FBXO15: variants seen among roughly 807,000 people sequenced by gnomAD.
FBXO15 encodes the protein F-box protein 15.
A neutral mutation model predicts 49.5 loss-of-function variants in FBXO15; 30 were observed. That is an observed-to-expected ratio of 0.61 (90% confidence interval 0.45 to 0.82). The LOEUF (loss-of-function observed/expected upper bound fraction) is 0.82. Among genes scored for constraint, FBXO15 ranks in the 40% least tolerant of loss-of-function variants. The pLI is 0.00. For missense variants in FBXO15, 591 were observed against 631.5 expected (o/e 0.94, Z 0.69); for synonymous variants, 250 against 232.7 (o/e 1.07, Z -0.68).
chr18:74,097,052 G>A (rs536591795), intron 8 of FBXO15: 1 of 152,424 alleles, frequency 6.6e-6, no homozygotes, highest in Non-Finnish European at 1.5e-5. Flanking sequence ...GTGAAATACT[G>A]GGGCAGAGGA....
At position 74,124,694 on chromosome 18, in the gene FBXO15, T is replaced by A. The variant is rs1914629968; in HGVS notation, c.913-123A>T. The A allele has an allele frequency of 6.5e-6, 5 of 774,514 alleles. No individual in the cohort carries two copies. In the East Asian group the frequency reaches 9.9e-5, roughly 15 times the overall value. 48.0% of individuals were successfully genotyped at this position (774,514 alleles called of 1,614,324 possible). ...GAGGCACTTTCTTACAAACATAAGA[T>A]CACCACAGTGCTAATGCATTATTAC... On this transcript the variant is annotated intron_variant, in intron 6 of 9. Coordinates refer to ENST00000419743, the MANE Select transcript of FBXO15 (RefSeq NM_001142958.2).
At chr18:74,130,690 G>A (rs759500462) in intron 3 of FBXO15, 32 bp from the exon 4 acceptor site, 1 of 1,593,936 alleles carries the variant, frequency 6.3e-7, no homozygotes, top group East Asian at 2.2e-5. Flanking sequence ...TGTTAACTAA[G>A]AGACACTGTC....
At chr18:74,129,337 A>G (rs1239428260) in intron 5 of FBXO15, 68 bp downstream of exon 5, 4 of 1,384,372 alleles carry the variant, frequency 2.9e-6, no homozygotes, top group Non-Finnish European at 4.0e-6. Flanking sequence ...TTTAATTACA[A>G]AAGTAATGCC....
intron 4 of FBXO15, 145 bp from the exon 5 acceptor site, chr18:74,129,759 C>A (rs751916244): frequency 1.5e-6 from 1 of 668,678 alleles, no homozygotes; most frequent in Non-Finnish European, 2.5e-6. Flanking sequence ...ATAATTTTCA[C>A]TTCAACAATA....
In FBXO15 at chr18:74,121,838, A is replaced by T. The variant is rs539626986; in HGVS notation, c.1138+1530T>A. On this transcript the variant is annotated intron_variant, in intron 8 of 9. Coordinates refer to ENST00000419743, the MANE Select transcript of FBXO15 (RefSeq NM_001142958.2). The stretch of plus-strand genomic sequence containing the variant: ...ACAGGAGATGACTAGTGCCTCAGTG[A>T]AACCATGCTCCAGAGTTAAAGAAGC... Among the ~76,000 whole-genome samples the T allele has an allele frequency of 5.9e-5, 9 of 152,364 alleles. 1 individual carries two copies. The South Asian group carries it at 1.9e-3, about 32-fold the overall frequency.
At chr18:74,139,524 G>A (rs1418289550) in intron 2 of FBXO15, among the ~76,000 whole-genome samples, 1 of 152,160 alleles carries the variant, frequency 6.6e-6, no homozygotes, top group Admixed American at 6.5e-5. Context: ...ACTGTTAGCT[G>A]AGCAAGCTGT....
intron 2 of FBXO15, among the ~76,000 whole-genome samples, chr18:74,139,424 A>G (rs902706892): frequency 1.3e-5 from 2 of 152,228 alleles, no homozygotes; most frequent in African/African-American, 4.8e-5. Context: ...TTCCCAGAGC[A>G]TAGGGTTTTA....
At chr18:74,142,959 TACA>T (rs970149412) in intron 1 of FBXO15, among the ~76,000 whole-genome samples, 2 of 152,210 alleles carry the variant, frequency 1.3e-5, no homozygotes, top group African/African-American at 4.8e-5. Flanking sequence ...ATAAAATATC[TACA>T]ATTGATAAAG....
chr18:74,106,685 C>A (rs1321159213), intron 8 of FBXO15, among the ~76,000 whole-genome samples: 1 of 152,120 alleles, frequency 6.6e-6, no homozygotes, highest in Non-Finnish European at 1.5e-5. Flanking sequence ...AAACCATAAA[C>A]CTCTGTGATA....
intron 8 of FBXO15, among the ~76,000 whole-genome samples, chr18:74,103,768 C>G (rs1913626602): frequency 6.6e-6 from 1 of 152,074 alleles, no homozygotes; most frequent in African/African-American, 2.4e-5. Context: ...AATATTGTAT[C>G]TGGAAAATCT....
intron 8 of FBXO15, among the ~76,000 whole-genome samples, chr18:74,082,934 A>G (rs1289981572): frequency 2.6e-5 from 4 of 152,234 alleles, no homozygotes; most frequent in African/African-American, 9.6e-5. Flanking sequence ...TTATTTCATG[A>G]GACAAAATAA....
In FBXO15 at chr18:74,147,776, C is replaced by T. The variant is rs752203715; in HGVS notation, c.10G>A (p.Gly4Arg). ...TGCTGCTGCAAGATCCGACCGCGTC[C>T]AGTCGCCATAGAGACAAGGAGTTCA... MAT[G>R]RGRILQQHWL... Residue 4 changes from glycine (G) to arginine (R), a missense_variant, in exon 1 of 10, where the codon GGA becomes AGA. Gly to Arg is a moderately radical substitution (Grantham distance 125). Transcript: ENST00000419743. 2.0e-6 allele frequency: 3 copies of T among 1,534,814 alleles called. No individual in the cohort carries two copies. Among genetic ancestry groups the T allele is most frequent in the Non-Finnish European group, 2.6e-6 (3 of 1,142,518 alleles).
At chr18:74,081,853 T>TTA in intron 9 of FBXO15, 74 bp downstream of exon 9, 2 of 1,016,826 alleles carry the variant, frequency 2.0e-6, no homozygotes, top group South Asian at 4.0e-5. Flanking sequence ...ACAATATAAT[T>TTA]TATATATATA....
chr18:74,117,265 A>G (rs571281864), intron 8 of FBXO15, among the ~76,000 whole-genome samples: 3 of 152,296 alleles, frequency 2.0e-5, no homozygotes, highest in South Asian at 2.1e-4. Flanking sequence ...ACTGGGGGGA[A>G]AATCACAAAA....
At chr18:74,124,415 T>C in intron 7 of FBXO15, 74 bp downstream of exon 7, 2 of 1,228,232 alleles carry the variant, frequency 1.6e-6, no homozygotes, top group South Asian at 2.5e-5. Context: ...TCTCAGGATA[T>C]TAAGATGGCA....
chr18:74,125,906 C>T (rs1914687098), intron 6 of FBXO15, 69 bp downstream of exon 6: 1 of 1,571,502 alleles, frequency 6.4e-7, no homozygotes, highest in Non-Finnish European at 8.7e-7. Flanking sequence ...TGAAGTCATA[C>T]ATAATGGTAA....
At chr18:74,093,961 G>C (rs1266012805) in intron 8 of FBXO15, among the ~76,000 whole-genome samples, 1 of 152,208 alleles carries the variant, frequency 6.6e-6, no homozygotes, top group Admixed American at 6.5e-5. Context: ...AGACAAAAGA[G>C]AGACTACAGA....
chr18:74,127,263 C>T (rs1458980958), intron 5 of FBXO15, among the ~76,000 whole-genome samples: 1 of 152,222 alleles, frequency 6.6e-6, no homozygotes, highest in Non-Finnish European at 1.5e-5. Context: ...TGTAGAGGTA[C>T]TTATTAAATA....
rs528857497 is a variant in FBXO15 at position 74,103,925 on chromosome 18, A to G, written c.1138+19443T>C. Among the ~76,000 whole-genome samples the G allele has an allele frequency of 1.2e-4, 19 of 152,284 alleles. No individual in the cohort carries two copies. The South Asian group carries it at 3.3e-3, about 27-fold the overall frequency. On this transcript the variant is annotated intron_variant, in intron 8 of 9. Coordinates refer to ENST00000419743, the MANE Select transcript of FBXO15 (RefSeq NM_001142958.2). ...AAATACTAATATGTGAAAAGAAAAC[A>G]TTGGAAGATAGAAAACTTACTGGTA...
Sources: gnomAD v4.1 joint callset for allele counts (sites outside exome capture counted in the v4.1 genomes callset) on GRCh38, gnomAD v4.1.1 for gene constraint, MANE v1.5 for transcripts, NCBI Gene and HGNC (gene_info 2026-07-23, HGNC 2026-07-21) for gene names.